The following PKHD1L1 variants were observed in gnomAD, a reference collection of about 807,000 sequenced individuals.
PKHD1L1 encodes fibrocystin-L.
Under a neutral mutation model 462.9 loss-of-function variants are expected in PKHD1L1, and 434 were observed. That is an observed-to-expected ratio of 0.94 (90% CI 0.87 to 1.02). PKHD1L1 has a LOEUF of 1.02. Ranked by LOEUF, PKHD1L1 falls within the 50% of genes least tolerant of loss-of-function variation. The pLI is 0.00. For synonymous variants in PKHD1L1, 1,781 were observed against 1,750.0 expected (o/e 1.02, Z -0.44); for missense variants, 5,202 against 5,096.1 (o/e 1.02, Z -0.63).
intron 33 of PKHD1L1, 109 bp downstream of exon 33, chr8:109,440,961 T>C (rs2130738568): frequency 7.5e-7 from 1 of 1,324,678 alleles, no homozygotes. Context: ...TTTATTTTTC[T>C]AGTAGCATAA....
intron 37 of PKHD1L1, 117 bp downstream of exon 37, chr8:109,444,019 C>A (rs1008416725): frequency 8.3e-6 from 7 of 845,054 alleles, no homozygotes; most frequent in African/African-American, 5.1e-5. Flanking sequence ...ACATACCATA[C>A]AATTCACCCA....
At position 109,487,876 on chromosome 8, in the gene PKHD1L1, A is replaced by AAG. The variant is rs36049709; in HGVS notation, c.9880+1070_9880+1071dup. On this transcript the variant is annotated intron_variant, in intron 59 of 77. Coordinates refer to ENST00000378402, the MANE Select transcript of PKHD1L1 (RefSeq NM_177531.6). ...AAAGAAAGAGAGAAAGACAGAGAGA[A>AAG]AGAGAGAGAGAGAGAGGAAGGAAGG... Among the ~76,000 whole-genome samples, 7 of 115,128 alleles carry AAG rather than the reference A, an allele frequency of 6.1e-5. No homozygotes were observed. In the East Asian group the frequency reaches 1.7e-3, roughly 28 times the overall value. The allele number at this position is 115,128 out of a possible 152,430, so 75.5% of individuals were successfully genotyped here.
At chr8:109,409,533 T>C (rs1813728933) in intron 18 of PKHD1L1, among the ~76,000 whole-genome samples, 1 of 152,180 alleles carries the variant, frequency 6.6e-6, no homozygotes, top group East Asian at 1.9e-4. Context: ...ATTTGGAATC[T>C]ATCTAATTGG....
chr8:109,491,278 C>G (rs1818812352), intron 61 of PKHD1L1, among the ~76,000 whole-genome samples, 177 bp downstream of exon 61: 2 of 151,704 alleles, frequency 1.3e-5, no homozygotes, highest in African/African-American at 4.8e-5. Context: ...TGAATTATGG[C>G]TAGGAGCTGA....
At position 109,536,315 on chromosome 8, in the gene PKHD1L1, G is replaced by A. The variant is rs994660662; in HGVS notation, c.*6225G>A. On this transcript the variant is annotated 3_prime_UTR_variant, in exon 78 of 78. Coordinates refer to ENST00000378402, the MANE Select transcript of PKHD1L1 (RefSeq NM_177531.6). ...ACCTAATTTTGCAGATGAGAAAACTGAGGCTTAAAGTTGTTCAAGGTCAAA... is the reference window on the plus strand; with the variant it reads ...ACCTAATTTTGCAGATGAGAAAACTAAGGCTTAAAGTTGTTCAAGGTCAAA... 7.2e-5 allele frequency among the ~76,000 whole-genome samples: 11 copies of A among 152,204 alleles called. No individual in the cohort carries two copies. The highest frequency in any genetic ancestry group is 2.7e-4 in the African/African-American group (11 of 41,456).
At chr8:109,429,506 A>T (rs778345660) in intron 26 of PKHD1L1, 44 bp downstream of exon 26, 11 of 1,544,340 alleles carry the variant, frequency 7.1e-6, no homozygotes, top group Non-Finnish European at 9.7e-6. Context: ...TAATTTTAAT[A>T]GTATAACTAG....
At chr8:109,453,454 G>A (rs55680107) in intron 43 of PKHD1L1, among the ~76,000 whole-genome samples, 132 of 152,254 alleles carry the variant, frequency 8.7e-4, no homozygotes, top group Middle Eastern at 3.4e-3. Context: ...TGTGATAATT[G>A]CATGTAAAAG....
intron 2 of PKHD1L1, among the ~76,000 whole-genome samples, chr8:109,368,076 G>C (rs1811319031): frequency 6.6e-6 from 1 of 152,156 alleles, no homozygotes; most frequent in Non-Finnish European, 1.5e-5. Context: ...ATAAGTTCTG[G>C]AGTGTTTGTA....
intron 22 of PKHD1L1, among the ~76,000 whole-genome samples, chr8:109,420,108 A>G (rs987673393): frequency 3.3e-5 from 5 of 152,204 alleles, no homozygotes; most frequent in Admixed American, 6.5e-5. Context: ...GAAAAGAGCA[A>G]TGAAGATGAC....
intron 7 of PKHD1L1, 78 bp downstream of exon 7, chr8:109,388,628 C>T (rs906477574): frequency 1.1e-6 from 1 of 934,106 alleles, no homozygotes; most frequent in African/African-American, 1.7e-5. Context: ...TAATTGCTAC[C>T]AATACTGCAT....
intron 24 of PKHD1L1, among the ~76,000 whole-genome samples, chr8:109,425,636 T>C (rs907001583): frequency 6.6e-6 from 1 of 152,112 alleles, no homozygotes; most frequent in African/African-American, 2.4e-5. Flanking sequence ...GTCAAAACTT[T>C]CTATAATACA....
Position 109,435,172 on chromosome 8 carries a change from T to G in PKHD1L1, c.3341-18T>G. On this transcript the variant is annotated intron_variant, in intron 28 of 77. Coordinates refer to ENST00000378402, the MANE Select transcript of PKHD1L1 (RefSeq NM_177531.6). ...ATTTGATTTACCATTTTCTTCATCT[T>G]TTTCTTTTTTTCACAAGAAAAAGAG... 1 of 1,611,264 alleles carries G rather than the reference T, an allele frequency of 6.2e-7. No individual in the cohort carries two copies. Among genetic ancestry groups the G allele is most frequent in the Non-Finnish European group, 8.5e-7 (1 of 1,178,614 alleles).
intron 10 of PKHD1L1, among the ~76,000 whole-genome samples, chr8:109,394,829 A>G (rs1812889954): frequency 6.6e-6 from 1 of 152,250 alleles, no homozygotes; most frequent in South Asian, 2.1e-4. Flanking sequence ...ATGCCTCTCA[A>G]TTTACGATGG....
intron 24 of PKHD1L1, 132 bp from the exon 25 acceptor site, chr8:109,426,870 C>A: frequency 1.6e-6 from 1 of 633,034 alleles, no homozygotes; most frequent in Non-Finnish European, 2.9e-6. Context: ...CCAGGCTGAT[C>A]TCAAACGCCT....
intron 73 of PKHD1L1, among the ~76,000 whole-genome samples, chr8:109,520,236 A>T (rs964406228): frequency 2.6e-5 from 4 of 152,050 alleles, no homozygotes; most frequent in Admixed American, 6.6e-5. Flanking sequence ...ACTTGGACTT[A>T]CAGGCTCAGG....
At chr8:109,488,192 T>A (rs1598751) in intron 59 of PKHD1L1, among the ~76,000 whole-genome samples, 4,615 of 151,982 alleles carry the variant, frequency 0.03, 222 homozygotes, top group African/African-American at 0.11. Flanking sequence ...AAATGCTTGA[T>A]TTTTCCTCAT....
rs573118672 is a variant in PKHD1L1 at position 109,382,913 on chromosome 8, A to G, written c.417+342A>G. The stretch of plus-strand genomic sequence containing the variant: ...AGTAACTACCTTTCCTTTCTACGTA[A>G]TTTCTAACGTAATGAGATAAAATGT... On this transcript the variant is annotated intron_variant, in intron 4 of 77. Coordinates refer to ENST00000378402, the MANE Select transcript of PKHD1L1 (RefSeq NM_177531.6). 2.0e-5 allele frequency among the ~76,000 whole-genome samples: 3 copies of G among 149,342 alleles called. No homozygotes were observed. In the East Asian group the frequency reaches 5.9e-4, roughly 29 times the overall value.
At chr8:109,400,472 C>A in intron 13 of PKHD1L1, 128 bp downstream of exon 13, 4 of 1,141,912 alleles carry the variant, frequency 3.5e-6, no homozygotes, top group Non-Finnish European at 4.8e-6. Flanking sequence ...TGTGGTTTGG[C>A]TCTTGGCTAT....
intron 48 of PKHD1L1, among the ~76,000 whole-genome samples, chr8:109,462,670 T>C (rs1375764966): frequency 6.6e-6 from 1 of 152,126 alleles, no homozygotes; most frequent in Non-Finnish European, 1.5e-5. Context: ...GCCTCCTGAG[T>C]AGCTGGGACT....
Sources: allele counts gnomAD v4.1 joint callset (sites outside exome capture counted in the v4.1 genomes callset), GRCh38; gene constraint gnomAD v4.1.1; transcripts MANE v1.5; gene names NCBI Gene and HGNC (gene_info 2026-07-23, HGNC 2026-07-21).